Variants in IL18R1 observed in about 807,000 individuals in gnomAD.
IL18R1 encodes the protein interleukin 18 receptor 1.
IL18R1 carries 40 observed loss-of-function variants against 48.5 expected under a neutral mutation model. The ratio of observed to expected loss-of-function variants is 0.82; its 90% CI spans 0.64 to 1.07. The LOEUF is 1.07. Among genes scored for constraint, IL18R1 ranks in the 50% least tolerant of loss-of-function variants. The pLI, the probability that IL18R1 is intolerant of heterozygous loss-of-function variation, is 0.00. For missense variants in IL18R1, 596 were observed against 633.7 expected, an observed-to-expected ratio of 0.94 and a Z score of 0.64; for synonymous variants, 232 against 225.9, an observed-to-expected ratio of 1.03 and a Z score of -0.24.
At chr2:102,389,794 T>C (rs1488904840) in intron 8 of IL18R1, among the ~76,000 whole-genome samples, 1 of 152,254 alleles carries the variant, frequency 6.6e-6, no homozygotes, top group Non-Finnish European at 1.5e-5. Context: ...CGGGTACGGA[T>C]AGAATACATT....
Position 102,396,549 on chromosome 2 carries a change from A to T in IL18R1, c.1289A>T (p.His430Leu), listed in dbSNP as rs1680835821. Residue 430 changes from histidine to leucine, a missense_variant, in exon 11 of 11, where the codon CAC (histidine) becomes CTC (leucine). By Grantham distance (99) the His-to-Leu change is moderately conservative. Transcript: ENST00000233957. ...VPGGAVVDEIHSLIEKSRRLI... is the reference protein window; with the variant it reads ...VPGGAVVDEILSLIEKSRRLI... ...TTTTCAGCTGTTGTTGATGAAATCC[A>T]CTCACTGATAGAGAAAAGCCGAAGA... is the stretch of plus-strand genomic sequence containing the variant. 1.3e-6 allele frequency: 2 copies of T among 1,592,828 alleles called. No homozygotes were observed. The highest frequency in any genetic ancestry group is 1.7e-6 in the Non-Finnish European group (2 of 1,169,504).
intron 7 of IL18R1, among the ~76,000 whole-genome samples, 153 bp from the exon 8 acceptor site, chr2:102,386,708 T>G (rs1573223330): frequency 6.6e-6 from 1 of 152,144 alleles, no homozygotes; most frequent in Non-Finnish European, 1.5e-5. Context: ...GGAGGGGACG[T>G]TTATTGTAGT....
At chr2:102,358,418 CT>C (rs538001570) in intron 1 of IL18R1, among the ~76,000 whole-genome samples, 7 of 149,686 alleles carry the variant, frequency 4.7e-5, no homozygotes, top group Admixed American at 6.7e-5. Flanking sequence ...TTGAAGGAAA[CT>C]TTTTTTTTTC....
In IL18R1 at chr2:102,396,682, T is replaced by C; in HGVS notation, c.1422T>C (p.Ile474=). 3 of 1,614,010 alleles carry C rather than the reference T, an allele frequency of 1.9e-6. No homozygotes were observed. The highest frequency in any genetic ancestry group is 2.5e-6 in the Non-Finnish European group (3 of 1,179,850). ...LVERKIKIIL[I]EFTPVTDFTF... ...AAAGAAAAATTAAAATAATCTTAATTGAATTTACACCTGTTACTGACTTCA... is the reference window on the plus strand; with the variant it reads ...AAAGAAAAATTAAAATAATCTTAATCGAATTTACACCTGTTACTGACTTCA... The change falls in exon 11 of 11, where the codon ATT becomes ATC. Residue 474 remains isoleucine, a synonymous_variant. Coordinates refer to ENST00000233957, the MANE Select transcript of IL18R1 (RefSeq NM_003855.5).
Position 102,397,484 on chromosome 2 carries a change from G to A in IL18R1, c.*598G>A, listed in dbSNP as rs578080650. On this transcript the variant is annotated 3_prime_UTR_variant, in exon 11 of 11. Transcript: ENST00000233957. The stretch of plus-strand genomic sequence containing the variant: ...TGCAGCCAACGGTTCTTGAAAGCTC[G>A]GTAAGGCCCTGCAACGCAGAGCCTG... The A allele has an allele frequency of 6.6e-6, 1 of 152,456 alleles. No homozygotes were observed. Among genetic ancestry groups the A allele is most frequent in the Admixed American group, 6.5e-5 (1 of 15,294 alleles). The allele number at this position is 152,456 out of a possible 1,614,324, so 9.4% of individuals were successfully genotyped here.
intron 9 of IL18R1, 141 bp downstream of exon 9, chr2:102,390,358 C>T: frequency 2.6e-6 from 2 of 757,632 alleles, no homozygotes; most frequent in East Asian, 2.7e-5. Context: ...ATTGTTCTGC[C>T]TGTACCATCC....
At chr2:102,366,237 A>G (rs1678887858) in intron 2 of IL18R1, among the ~76,000 whole-genome samples, 1 of 152,172 alleles carries the variant, frequency 6.6e-6, no homozygotes, top group African/African-American at 2.4e-5. Context: ...CTTCTTCCAG[A>G]TAATCGTCTC....
intron 9 of IL18R1, among the ~76,000 whole-genome samples, chr2:102,390,945 AAAAAAG>A (rs1451701748): frequency 6.6e-6 from 1 of 150,792 alleles, no homozygotes. Flanking sequence ...AAAAAAAAAA[AAAAAAG>A]AGAGAGAAAA....
chr2:102,390,349 T>G (rs1680493384), intron 9 of IL18R1, 132 bp downstream of exon 9: 2 of 811,852 alleles, frequency 2.5e-6, no homozygotes, highest in South Asian at 3.5e-5. Flanking sequence ...ATGGGAAATA[T>G]TGTTCTGCCT....
At position 102,356,186 on chromosome 2, in the gene IL18R1, C is replaced by T. The variant is rs1490688327; in HGVS notation, c.-243C>T. 4.2e-5 allele frequency: 10 copies of T among 235,618 alleles called. No homozygotes were observed. Among genetic ancestry groups the T allele is most frequent in the Non-Finnish European group, 4.8e-5 (7 of 144,892 alleles). The allele number at this position is 235,618 out of a possible 1,614,324, so 14.6% of individuals were successfully genotyped here. A position where few individuals can be genotyped will look rare whatever the true frequency, so the allele number is the denominator to read the frequency against. On this transcript the variant is annotated 5_prime_UTR_variant, in exon 1 of 11. Transcript: ENST00000233957. ...ACGCCTGACATTCTTCTTTCTGTTC[C>T]TACTTTTTTTCCTTCTTCTTCTTTT...
rs566296444 is a variant in IL18R1, at chr2:102,398,139, A to G, written c.*1253A>G. The G allele has an allele frequency of 1.2e-4, 19 of 152,490 alleles. No homozygotes were observed. The highest frequency in any genetic ancestry group is 2.6e-4 in the Non-Finnish European group (18 of 68,058). 9.4% of individuals were successfully genotyped at this position (152,490 alleles called of 1,614,324 possible). A position where few individuals can be genotyped will look rare whatever the true frequency, so the allele number is the denominator to read the frequency against. On this transcript the variant is annotated 3_prime_UTR_variant, in exon 11 of 11. Transcript: ENST00000233957. ...AGTTTTGATTTGAGGAGGTTTGCAC[A>G]TGTAGAGAAGCATACTGGAGAAGCA...
intron 10 of IL18R1, among the ~76,000 whole-genome samples, chr2:102,395,634 G>A (rs1002415233): frequency 1.3e-5 from 2 of 152,130 alleles, no homozygotes; most frequent in African/African-American, 4.8e-5. Context: ...TTGTTACTTA[G>A]GAAGCATTTA....
intron 9 of IL18R1, among the ~76,000 whole-genome samples, chr2:102,390,966 C>T (rs1263499555): frequency 3.0e-5 from 4 of 134,692 alleles, no homozygotes; most frequent in African/African-American, 8.4e-5. Flanking sequence ...AGAAAAAGAA[C>T]CCCGAGCTGG....
At chr2:102,395,374 C>T (rs562207734) in intron 10 of IL18R1, among the ~76,000 whole-genome samples, 6 of 151,448 alleles carry the variant, frequency 4.0e-5, no homozygotes, top group South Asian at 4.2e-4. Flanking sequence ...TGATTATTAC[C>T]ATCATTCATG....
chr2:102,398,542 T>A lies in IL18R1; in HGVS notation c.*1656T>A, dbSNP rs1359788541. On this transcript the variant is annotated 3_prime_UTR_variant, in exon 11 of 11. Coordinates refer to ENST00000233957, the MANE Select transcript of IL18R1 (RefSeq NM_003855.5). The stretch of plus-strand genomic sequence containing the variant: ...GTAAAATAATTTAATTAATAGCTCA[T>A]ATTTTATGTGTGAAAACATGTTAGT... 6.6e-6 allele frequency: 1 copy of A among 152,292 alleles called. No homozygotes were observed. Among genetic ancestry groups the A allele is most frequent in the East Asian group, 1.9e-4 (1 of 5,222 alleles). The allele number at this position is 152,292 out of a possible 1,614,324, so 9.4% of individuals were successfully genotyped here. A position where few individuals can be genotyped will look rare whatever the true frequency, so the allele number is the denominator to read the frequency against.
At position 102,395,182 on chromosome 2, in the gene IL18R1, T is replaced by A. The variant is rs1310042601; in HGVS notation, c.1270+555T>A. ...CAGATCATAGCTATGAAATTCAATGTTTTTTTTATTAATATAGGAATACAA... is the reference window on the plus strand; with the variant it reads ...CAGATCATAGCTATGAAATTCAATGATTTTTTTATTAATATAGGAATACAA... On this transcript the variant is annotated intron_variant, in intron 10 of 10. Coordinates refer to ENST00000233957, the MANE Select transcript of IL18R1 (RefSeq NM_003855.5). Among the ~76,000 whole-genome samples the A allele has an allele frequency of 7.8e-5, 11 of 141,638 alleles. 1 individual carries two copies. The highest frequency in any genetic ancestry group is 1.5e-4 in the Non-Finnish European group (10 of 67,898). The allele number at this position is 141,638 out of a possible 152,430, so 92.9% of individuals were successfully genotyped here.
chr2:102,374,093 A>C, intron 4 of IL18R1: 1 of 216,188 alleles, frequency 4.6e-6, no homozygotes, highest in Non-Finnish European at 1.0e-5. Flanking sequence ...CAAACCAACC[A>C]TTCCCCGCTC....
Position 102,397,075 on chromosome 2 carries a change from C to T in IL18R1, c.*189C>T, listed in dbSNP as rs976749693. 28 of 508,886 alleles carry T rather than the reference C, an allele frequency of 5.5e-5. No individual in the cohort carries two copies. Among genetic ancestry groups the T allele is most frequent in the Admixed American group, 1.5e-4 (4 of 26,982 alleles). The allele number at this position is 508,886 out of a possible 1,614,324, so 31.5% of individuals were successfully genotyped here. A position where few individuals can be genotyped will look rare whatever the true frequency, so the allele number is the denominator to read the frequency against. ...AAGATTGCGCTGTGGGCTGTGGTCACGTGCTCCCAGAAGACCTGGAATTCA... is the reference window on the plus strand; with the variant it reads ...AAGATTGCGCTGTGGGCTGTGGTCATGTGCTCCCAGAAGACCTGGAATTCA... On this transcript the variant is annotated 3_prime_UTR_variant, in exon 11 of 11. Transcript: ENST00000233957.
At chr2:102,362,569 T>A in intron 1 of IL18R1, 64 bp from the exon 2 acceptor site, 1 of 1,106,556 alleles carries the variant, frequency 9.0e-7, no homozygotes. Context: ...TTTTTAAACC[T>A]TCATAAGATA....
Sources: gnomAD v4.1 joint callset for allele counts (sites outside exome capture counted in the v4.1 genomes callset) on GRCh38, gnomAD v4.1.1 for gene constraint, MANE v1.5 for transcripts, NCBI Gene and HGNC (gene_info 2026-07-23, HGNC 2026-07-21) for gene names.